The following COPS8 variants were observed in gnomAD, a reference collection of about 807,000 sequenced individuals.
The protein encoded by COPS8 is COP9 signalosome complex subunit 8.
Under a neutral mutation model 31.5 loss-of-function variants are expected in COPS8, and 11 were observed. The observed-to-expected ratio is 0.35, with a 90% CI of 0.22 to 0.58. The LOEUF (loss-of-function observed/expected upper bound fraction) is 0.58, where lower values mean the gene tolerates loss of function less well. Ranked by LOEUF, COPS8 falls within the 20% of genes least tolerant of loss-of-function variation. The probability of loss-of-function intolerance (pLI) is 0.83; values close to 1 mark genes in which losing one functional copy is unlikely to be tolerated. For synonymous variants in COPS8, 81 were observed against 89.3 expected, an observed-to-expected ratio of 0.91 and a Z score of 0.52; for missense variants, 215 against 255.1, an observed-to-expected ratio of 0.84 and a Z score of 1.07.
chr2:237,095,337 C>G (rs1696780457), intron 5 of COPS8, among the ~76,000 whole-genome samples: 1 of 152,084 alleles, frequency 6.6e-6, no homozygotes, highest in Non-Finnish European at 1.5e-5. Flanking sequence ...ATTTTCCATA[C>G]CTGTCAAACG....
rs760868875 is a variant in COPS8 at position 237,085,920 on chromosome 2, G to A, written c.-45G>A. The stretch of plus-strand genomic sequence containing the variant: ...GGCGCGACGCCTGAGGGACAGTCTG[G>A]GGTTTGGCTGTCCGGACGGTGCAGC... On this transcript the variant is annotated 5_prime_UTR_variant, in exon 1 of 8. Transcript: ENST00000354371. The A allele has an allele frequency of 1.3e-6, 2 of 1,580,546 alleles. No homozygotes were observed. Among genetic ancestry groups the A allele is most frequent in the South Asian group, 1.1e-5 (1 of 88,576 alleles).
intron 1 of COPS8, 51 bp from the exon 2 acceptor site, chr2:237,087,076 G>GT (rs1559298024): frequency 1.6e-6 from 2 of 1,263,072 alleles, no homozygotes; most frequent in Non-Finnish European, 1.1e-6. Context: ...GGTAAATGAG[G>GT]TTTTTAAAAT....
chr2:237,093,623 A>G (rs1038963665), intron 4 of COPS8: 2 of 894,860 alleles, frequency 2.2e-6, no homozygotes, highest in African/African-American at 3.6e-5. Context: ...GCAGACTTGG[A>G]AGAATGCTCC....
At chr2:237,097,313 A>G (rs1178887331) in intron 7 of COPS8, among the ~76,000 whole-genome samples, 1 of 139,440 alleles carries the variant, frequency 7.2e-6, no homozygotes. Context: ...TCTTGAATTT[A>G]ATGTTGCATG....
At chr2:237,093,273 T>C (rs1161877286) in intron 4 of COPS8, among the ~76,000 whole-genome samples, 1 of 152,186 alleles carries the variant, frequency 6.6e-6, no homozygotes, top group East Asian at 1.9e-4. Flanking sequence ...GGAGAGAAGA[T>C]TTTAAATATG....
In COPS8 at chr2:237,098,387, T is replaced by C. The variant is rs1418853534; in HGVS notation, c.*645T>C. The stretch of plus-strand genomic sequence containing the variant: ...GAAAATGCAACTTATTTAAGACATT[T>C]ATGAGACATATTAACTTGTGCTGTC... On this transcript the variant is annotated 3_prime_UTR_variant, in exon 8 of 8. Coordinates refer to ENST00000354371, the MANE Select transcript of COPS8 (RefSeq NM_006710.5). The C allele has an allele frequency of 6.6e-6, 1 of 152,338 alleles. No individual in the cohort carries two copies. Among genetic ancestry groups the C allele is most frequent in the African/African-American group, 2.4e-5 (1 of 41,462 alleles). The allele number at this position is 152,338 out of a possible 1,614,324, so 9.4% of individuals were successfully genotyped here.
chr2:237,087,892 G>A (rs1189223508), intron 2 of COPS8, among the ~76,000 whole-genome samples: 2 of 149,258 alleles, frequency 1.3e-5, no homozygotes, highest in Non-Finnish European at 3.0e-5. Context: ...AAGATTGCGC[G>A]ACTGCACTCT....
At chr2:237,097,216 T>C (rs1427745317) in intron 7 of COPS8, among the ~76,000 whole-genome samples, 7 of 148,308 alleles carry the variant, frequency 4.7e-5, no homozygotes, top group Admixed American at 4.7e-4. Flanking sequence ...AGGTTCTTTG[T>C]GGGTTTTCTT....
chr2:237,093,814 A>G (rs1696748000), intron 4 of COPS8: 4 of 1,087,188 alleles, frequency 3.7e-6, no homozygotes, highest in Non-Finnish European at 4.5e-6. Context: ...TTAGGGTTAG[A>G]GCCTTGTGTT....
chr2:237,099,510 G>C lies in COPS8; in HGVS notation c.*1768G>C, dbSNP rs1696859418. The C allele has an allele frequency of 6.6e-6, 1 of 150,654 alleles. No homozygotes were observed. The highest frequency in any genetic ancestry group is 2.5e-5 in the African/African-American group (1 of 40,192). The allele number at this position is 150,654 out of a possible 1,614,324, so 9.3% of individuals were successfully genotyped here. On this transcript the variant is annotated 3_prime_UTR_variant, in exon 8 of 8. Coordinates refer to ENST00000354371, the MANE Select transcript of COPS8 (RefSeq NM_006710.5). ...TTCATGATTAATTTCACAAAATCTT[G>C]ATATCTTTTTTATTATTAAAAGTAT...
intron 1 of COPS8, among the ~76,000 whole-genome samples, chr2:237,086,375 A>G (rs1696612510): frequency 6.6e-6 from 1 of 152,096 alleles, no homozygotes; most frequent in African/African-American, 2.4e-5. Flanking sequence ...AGTGGGTTTT[A>G]TTAAAGATCT....
rs927844752 is a variant in COPS8, at chr2:237,088,737, A to G, written c.198+84A>G. ...AACCTTTTATAAGCTTATGTTTTCT[A>G]TCTGACGTCCTAGTAATAGTCATCA... On this transcript the variant is annotated intron_variant, in intron 3 of 7. Coordinates refer to ENST00000354371, the MANE Select transcript of COPS8 (RefSeq NM_006710.5). 2.2e-5 allele frequency: 18 copies of G among 826,588 alleles called. No individual in the cohort carries two copies. In the Admixed American group the frequency reaches 3.1e-4, roughly 14 times the overall value. The allele number at this position is 826,588 out of a possible 1,614,324, so 51.2% of individuals were successfully genotyped here. A position where few individuals can be genotyped will look rare whatever the true frequency, so the allele number is the denominator to read the frequency against.
intron 7 of COPS8, among the ~76,000 whole-genome samples, chr2:237,097,140 C>G (rs556828427): frequency 6.6e-6 from 1 of 151,654 alleles, no homozygotes; most frequent in African/African-American, 2.4e-5. Flanking sequence ...TTCACCAGTA[C>G]TGTTATTCAG....
chr2:237,093,942 T>C, intron 4 of COPS8, 148 bp from the exon 5 acceptor site: 1 of 1,393,086 alleles, frequency 7.2e-7, no homozygotes, highest in Non-Finnish European at 9.3e-7. Context: ...ACTGGGCATA[T>C]GTATTTGTAT....
chr2:237,090,679 T>C (rs577923810), intron 4 of COPS8, among the ~76,000 whole-genome samples: 36 of 152,330 alleles, frequency 2.4e-4, no homozygotes, highest in South Asian at 6.2e-4. Context: ...TGAGCAGGAA[T>C]TTTTTTAATA....
intron 1 of COPS8, among the ~76,000 whole-genome samples, chr2:237,086,381 G>C (rs1696612719): frequency 6.6e-6 from 1 of 151,962 alleles, no homozygotes; most frequent in African/African-American, 2.4e-5. Flanking sequence ...TTTTATTAAA[G>C]ATCTTGGTAT....
intron 4 of COPS8, 62 bp from the exon 5 acceptor site, chr2:237,094,028 A>G: frequency 6.3e-7 from 1 of 1,586,260 alleles, no homozygotes; most frequent in Non-Finnish European, 8.6e-7. Context: ...GTGATTTAAC[A>G]ATGTGCTTTG....
chr2:237,090,629 C>A (rs1188090875), intron 4 of COPS8, among the ~76,000 whole-genome samples: 1 of 152,178 alleles, frequency 6.6e-6, no homozygotes, highest in Non-Finnish European at 1.5e-5. Context: ...TAGTTAATAT[C>A]CACCTTCACT....
chr2:237,098,733 A>G lies in COPS8; in HGVS notation c.*991A>G, dbSNP rs1403641602. 6.6e-6 allele frequency: 1 copy of G among 152,152 alleles called. No individual in the cohort carries two copies. Among genetic ancestry groups the G allele is most frequent in the African/African-American group, 2.4e-5 (1 of 41,432 alleles). The allele number at this position is 152,152 out of a possible 1,614,324, so 9.4% of individuals were successfully genotyped here. On this transcript the variant is annotated 3_prime_UTR_variant, in exon 8 of 8. Coordinates refer to ENST00000354371, the MANE Select transcript of COPS8 (RefSeq NM_006710.5). ...ATAGTTTCTGGAAATTTCACTCTCG[A>G]TCTTTCTGTGGACACAATCTATTTT... is the stretch of plus-strand genomic sequence containing the variant.
Sources: gnomAD v4.1 joint callset for allele counts (sites outside exome capture counted in the v4.1 genomes callset) on GRCh38, gnomAD v4.1.1 for gene constraint, MANE v1.5 for transcripts, NCBI Gene and HGNC (gene_info 2026-07-23, HGNC 2026-07-21) for gene names.